FAM168B: variants seen among roughly 807,000 people sequenced by gnomAD.
FAM168B encodes myelin-associated neurite-outgrowth inhibitor.
A neutral mutation model predicts 21.8 loss-of-function variants in FAM168B; 19 were observed. The observed-to-expected ratio is 0.87, with a 90% CI of 0.61 to 1.28. The LOEUF (loss-of-function observed/expected upper bound fraction) is 1.28. FAM168B is among the 50% of genes most tolerant of loss of function. The pLI, the probability that FAM168B is intolerant of heterozygous loss-of-function variation, is 0.00. For synonymous variants in FAM168B, 126 were observed against 104.8 expected (o/e 1.20, Z -1.24); for missense variants, 233 against 263.1 (o/e 0.89, Z 0.79).
chr2:131,048,699 G>A lies in FAM168B; in HGVS notation c.*3766C>T, dbSNP rs1691451128. 2 of 989,298 alleles carry A rather than the reference G, an allele frequency of 2.0e-6. No individual in the cohort carries two copies. Among genetic ancestry groups the A allele is most frequent in the African/African-American group, 1.7e-5 (1 of 57,476 alleles). The allele number at this position is 989,298 out of a possible 1,614,324, so 61.3% of individuals were successfully genotyped here. A position where few individuals can be genotyped will look rare whatever the true frequency, so the allele number is the denominator to read the frequency against. On this transcript the variant is annotated 3_prime_UTR_variant, in exon 7 of 7. Coordinates refer to ENST00000389915, the MANE Select transcript of FAM168B (RefSeq NM_001009993.4). ...GTCTGCTGCCCTTCAGAAAGCCAGA[G>A]GGAACACTCACAAATGCAGAGGTAC...
chr2:131,082,856 C>CT (rs1693488174), intron 1 of FAM168B, among the ~76,000 whole-genome samples, 199 bp from the exon 2 acceptor site: 1 of 152,148 alleles, frequency 6.6e-6, no homozygotes. Flanking sequence ...GCATGATAAA[C>CT]TTTTTTTCAC....
In FAM168B at chr2:131,083,548, A is replaced by C. The variant is rs919500088; in HGVS notation, c.-11-891T>G. On this transcript the variant is annotated intron_variant, in intron 1 of 6. Coordinates refer to ENST00000389915, the MANE Select transcript of FAM168B (RefSeq NM_001009993.4). ...AGAGCGAGACTTTGTCGCAAAAAAA[A>C]CATGGGGAAAACCCTACAAGTAACC... Among the ~76,000 whole-genome samples the C allele has an allele frequency of 2.6e-5, 4 of 152,342 alleles. 1 individual carries two copies. The South Asian group carries it at 8.3e-4, about 32-fold the overall frequency.
At chr2:131,081,780 G>A (rs1202527207) in intron 2 of FAM168B, among the ~76,000 whole-genome samples, 1 of 152,092 alleles carries the variant, frequency 6.6e-6, no homozygotes, top group East Asian at 1.9e-4. Context: ...TAGTTCAAAG[G>A]CCAAGTTAGC....
chr2:131,058,701 C>G, intron 3 of FAM168B, among the ~76,000 whole-genome samples: 1 of 152,152 alleles, frequency 6.6e-6, no homozygotes. Flanking sequence ...TTTGGAAAAG[C>G]AAGTTTCAAG....
chr2:131,089,107 C>G (rs1371381326), intron 1 of FAM168B, among the ~76,000 whole-genome samples: 1 of 151,988 alleles, frequency 6.6e-6, no homozygotes, highest in African/African-American at 2.4e-5. Context: ...GCTGGGATTA[C>G]AGGCATGTGC....
At chr2:131,079,488 C>T (rs937267368) in intron 2 of FAM168B, among the ~76,000 whole-genome samples, 1 of 152,064 alleles carries the variant, frequency 6.6e-6, no homozygotes, top group African/African-American at 2.4e-5. Flanking sequence ...AACAAACACA[C>T]AAAAGACACA....
intron 3 of FAM168B, among the ~76,000 whole-genome samples, chr2:131,057,375 T>C (rs1326582025): frequency 1.3e-5 from 2 of 152,198 alleles, no homozygotes; most frequent in Non-Finnish European, 2.9e-5. Context: ...TCTCACAACA[T>C]GCTGAGCTTT....
At chr2:131,076,340 G>A (rs966321450) in intron 2 of FAM168B, among the ~76,000 whole-genome samples, 1 of 152,122 alleles carries the variant, frequency 6.6e-6, no homozygotes, top group Non-Finnish European at 1.5e-5. Flanking sequence ...GCACCAGAGC[G>A]ATCCCAAACC....
chr2:131,081,167 T>C (rs1027926588), intron 2 of FAM168B, among the ~76,000 whole-genome samples: 15 of 152,248 alleles, frequency 9.9e-5, no homozygotes, highest in African/African-American at 3.1e-4. Flanking sequence ...CTAGTTCTTT[T>C]TTCTCAGCAT....
intron 3 of FAM168B, among the ~76,000 whole-genome samples, chr2:131,057,865 C>G (rs1469056304): frequency 6.6e-6 from 1 of 151,878 alleles, no homozygotes; most frequent in Non-Finnish European, 1.5e-5. Context: ...GAGTCTTGCT[C>G]TATTCCCTAG....
chr2:131,085,992 G>A (rs1469025471), intron 1 of FAM168B, among the ~76,000 whole-genome samples: 1 of 152,162 alleles, frequency 6.6e-6, no homozygotes, highest in Non-Finnish European at 1.5e-5. Flanking sequence ...ACTGGACAGT[G>A]CAGGCCTACA....
rs139271644 is a variant in FAM168B at position 131,077,315 on chromosome 2, G to A, written c.70+5262C>T. 5.9e-5 allele frequency among the ~76,000 whole-genome samples: 9 copies of A among 151,872 alleles called. 1 individual carries two copies. The highest frequency in any genetic ancestry group is 3.4e-3 in the Middle Eastern group (1 of 294). ...CAACGCCGCCTGCATCTCTTTTCCA[G>A]AAAGAACCTACTGTTCAGCCAGGAG... On this transcript the variant is annotated intron_variant, in intron 2 of 6. Transcript: ENST00000389915.
In FAM168B at chr2:131,048,739, AC is replaced by A; in HGVS notation, c.*3725del. On this transcript the variant is annotated 3_prime_UTR_variant, in exon 7 of 7. Transcript: ENST00000389915. ...TGCAGAGGTACTAGAGGGGAGAAAT[AC>A]GTGCTCTGCCTTCCCCCAGGCCAAC... 1 of 987,252 alleles carries A rather than the reference AC, an allele frequency of 1.0e-6. No individual in the cohort carries two copies. The highest frequency in any genetic ancestry group is 1.2e-6 in the Non-Finnish European group (1 of 830,946). 61.2% of individuals were successfully genotyped at this position (987,252 alleles called of 1,614,324 possible).
intron 2 of FAM168B, among the ~76,000 whole-genome samples, chr2:131,072,484 G>A (rs934592177): frequency 6.6e-6 from 1 of 151,520 alleles, no homozygotes; most frequent in Non-Finnish European, 1.5e-5. Flanking sequence ...TTTTTGGAGG[G>A]GGACAGAGTT....
intron 3 of FAM168B, among the ~76,000 whole-genome samples, chr2:131,069,090 C>G (rs536905858): frequency 6.6e-6 from 1 of 152,372 alleles, no homozygotes; most frequent in Admixed American, 6.5e-5. Context: ...AAGGTGTCAG[C>G]AGCACTCAGT....
chr2:131,077,201 G>A lies in FAM168B; in HGVS notation c.71-5263C>T, dbSNP rs574298335. ...GCCCACAAGATGGAGTGTATGTAAC[G>A]CTATTACATTTAAAAAAAAAAAAAA... On this transcript the variant is annotated intron_variant, in intron 2 of 6. Coordinates refer to ENST00000389915, the MANE Select transcript of FAM168B (RefSeq NM_001009993.4). 7.0e-5 allele frequency among the ~76,000 whole-genome samples: 10 copies of A among 142,100 alleles called. No individual in the cohort carries two copies. The East Asian group carries it at 1.2e-3, about 17-fold the overall frequency. The allele number at this position is 142,100 out of a possible 152,430, so 93.2% of individuals were successfully genotyped here.
chr2:131,058,596 C>G (rs749073309), intron 3 of FAM168B, among the ~76,000 whole-genome samples: 5 of 152,162 alleles, frequency 3.3e-5, no homozygotes, highest in Non-Finnish European at 5.9e-5. Flanking sequence ...CTATGTTAAC[C>G]GTAAATAGAA....
At chr2:131,055,929 A>C (rs1692000625) in intron 3 of FAM168B, among the ~76,000 whole-genome samples, 1 of 152,198 alleles carries the variant, frequency 6.6e-6, no homozygotes, top group Non-Finnish European at 1.5e-5. Context: ...AAAATACCAA[A>C]AGAGAACGTT....
chr2:131,062,046 A>C (rs1480524200), intron 3 of FAM168B, among the ~76,000 whole-genome samples: 1 of 152,236 alleles, frequency 6.6e-6, no homozygotes, highest in Non-Finnish European at 1.5e-5. Flanking sequence ...AAGCTGTTAA[A>C]AGAAGTCAAA....
Sources: allele counts gnomAD v4.1 joint callset (sites outside exome capture counted in the v4.1 genomes callset), GRCh38; gene constraint gnomAD v4.1.1; transcripts MANE v1.5; gene names NCBI Gene and HGNC (gene_info 2026-07-23, HGNC 2026-07-21).